The following ATRNL1 variants were observed in gnomAD, a reference collection of about 807,000 sequenced individuals.
The protein encoded by ATRNL1 is attractin-like protein 1.
In ATRNL1, 95 loss-of-function variants were observed where a neutral mutation model predicts 182.7. That is an observed-to-expected ratio of 0.52 (90% CI 0.44 to 0.62). ATRNL1 has a LOEUF of 0.62. Ranked by LOEUF, ATRNL1 falls within the 20% of genes least tolerant of loss-of-function variation. The pLI, the probability that ATRNL1 is intolerant of heterozygous loss-of-function variation, is 0.00. For missense variants in ATRNL1, 1,471 were observed against 1,679.5 expected (o/e 0.88, Z 2.17); for synonymous variants, 576 against 568.3 (o/e 1.01, Z -0.19).
chr10:115,184,403 T>C (rs1415136393), intron 8 of ATRNL1, among the ~76,000 whole-genome samples: 1 of 151,390 alleles, frequency 6.6e-6, no homozygotes, highest in Non-Finnish European at 1.5e-5. Flanking sequence ...TATATAACTA[T>C]ATATACACAA....
Position 115,395,044 on chromosome 10 carries a change from C to T in ATRNL1, c.3269+292C>T, listed in dbSNP as rs184690145. Among the ~76,000 whole-genome samples the T allele has an allele frequency of 2.7e-3, 416 of 151,930 alleles. 3 individuals are homozygous for T. The highest frequency in any genetic ancestry group is 9.5e-3 in the African/African-American group (396 of 41,498). ...CCTGCCTCTCTCTCTCTAGCAGTTCCCAGTGTCTGTTGTTCCCATCTTTGT... is the reference window on the plus strand; with the variant it reads ...CCTGCCTCTCTCTCTCTAGCAGTTCTCAGTGTCTGTTGTTCCCATCTTTGT... On this transcript the variant is annotated intron_variant, in intron 20 of 28. Transcript: ENST00000355044.
At chr10:115,533,246 T>G (rs1268235072) in intron 25 of ATRNL1, among the ~76,000 whole-genome samples, 1 of 151,896 alleles carries the variant, frequency 6.6e-6, no homozygotes, top group East Asian at 1.9e-4. Context: ...CTCTTTTTGG[T>G]TGGTAAGCTA....
chr10:115,536,200 C>T (rs1383996818), intron 25 of ATRNL1, among the ~76,000 whole-genome samples: 1 of 152,158 alleles, frequency 6.6e-6, no homozygotes, highest in South Asian at 2.1e-4. Context: ...TTTGTCTGTG[C>T]CCTGCCCCCA....
At chr10:115,451,215 G>A (rs971916321) in intron 21 of ATRNL1, among the ~76,000 whole-genome samples, 22 of 152,154 alleles carry the variant, frequency 1.4e-4, no homozygotes, top group African/African-American at 5.3e-4. Flanking sequence ...AACTGGCAAA[G>A]ATTTCATGAC....
chr10:115,377,623 A>G (rs1857750057), intron 19 of ATRNL1, among the ~76,000 whole-genome samples: 1 of 152,150 alleles, frequency 6.6e-6, no homozygotes, highest in African/African-American at 2.4e-5. Flanking sequence ...TCTTAACTAT[A>G]TAGCCTTGCA....
At chr10:115,556,356 A>C (rs1853314564) in intron 26 of ATRNL1, among the ~76,000 whole-genome samples, 1 of 152,142 alleles carries the variant, frequency 6.6e-6, no homozygotes, top group Non-Finnish European at 1.5e-5. Context: ...AAATTGGGTA[A>C]AGTTTTGCTA....
At chr10:115,943,801 C>T (rs782320873) in intron 28 of ATRNL1, among the ~76,000 whole-genome samples, 48 of 151,938 alleles carry the variant, frequency 3.2e-4, no homozygotes, top group Admixed American at 2.0e-4. Flanking sequence ...GTAGTGAATG[C>T]GTAAACAAAC....
rs782000658 is a variant in ATRNL1, at chr10:115,467,232, C to G, written c.3476C>G (p.Thr1159Arg). ...TCAAACAACTTTAATCTCAACATTA[C>G]GTGGTCTGTCGGTTCAACAGGTAAA... Reference protein sequence around the residue: ...NASNNFNLNITWSVGSTAGTI... With the variant: ...NASNNFNLNIRWSVGSTAGTI... The change falls in exon 23 of 29, where the codon ACG (threonine) becomes AGG (arginine). Residue 1159 changes from threonine to arginine, a missense_variant. Thr to Arg is a moderately conservative substitution (Grantham distance 71). Coordinates refer to ENST00000355044, the MANE Select transcript of ATRNL1 (RefSeq NM_207303.4). 1 of 1,602,570 alleles carries G rather than the reference C, an allele frequency of 6.2e-7. No individual in the cohort carries two copies. The highest frequency in any genetic ancestry group is 8.5e-7 in the Non-Finnish European group (1 of 1,173,078).
chr10:115,945,451 C>T lies in ATRNL1; in HGVS notation c.*672C>T, dbSNP rs1229814937. ...TCAGTGTAGAGGACATTCCTGTCAT[C>T]CATGCCAACTACCTAACTCGTTATC... On this transcript the variant is annotated 3_prime_UTR_variant, in exon 29 of 29. Coordinates refer to ENST00000355044, the MANE Select transcript of ATRNL1 (RefSeq NM_207303.4). 1 of 152,234 alleles carries T rather than the reference C, an allele frequency of 6.6e-6. No individual in the cohort carries two copies. Among genetic ancestry groups the T allele is most frequent in the East Asian group, 1.9e-4 (1 of 5,160 alleles). 9.4% of individuals were successfully genotyped at this position (152,234 alleles called of 1,614,324 possible).
chr10:115,485,014 A>G (rs2134629617), intron 24 of ATRNL1, among the ~76,000 whole-genome samples: 1 of 152,088 alleles, frequency 6.6e-6, no homozygotes, highest in South Asian at 2.1e-4. Context: ...ATGAGCCATC[A>G]CTTGATCATG....
chr10:115,547,074 T>C (rs782733914), intron 25 of ATRNL1, among the ~76,000 whole-genome samples: 31 of 151,792 alleles, frequency 2.0e-4, no homozygotes, highest in Non-Finnish European at 3.4e-4. Context: ...GCCAACATGG[T>C]GAAACCCCAT....
At chr10:115,560,817 A>G (rs1853661882) in intron 26 of ATRNL1, among the ~76,000 whole-genome samples, 1 of 152,200 alleles carries the variant, frequency 6.6e-6, no homozygotes, top group Non-Finnish European at 1.5e-5. Context: ...ATTTGGATCC[A>G]TAGAATGTAA....
At chr10:115,374,453 TTTCCTTCCTTCC>T (rs149427595) in intron 19 of ATRNL1, among the ~76,000 whole-genome samples, 1,442 of 135,882 alleles carry the variant, frequency 0.011, 11 homozygotes, top group East Asian at 0.018. Context: ...CCTTCCTTCC[TTTCCTTCCTTCC>T]TTCCTTCCTT....
At chr10:115,415,936 T>A (rs1345068214) in intron 20 of ATRNL1, among the ~76,000 whole-genome samples, 1 of 152,080 alleles carries the variant, frequency 6.6e-6, no homozygotes, top group East Asian at 1.9e-4. Context: ...AGTACCATAC[T>A]ATTTAATTAT....
intron 27 of ATRNL1, among the ~76,000 whole-genome samples, chr10:115,747,871 T>C (rs186014246): frequency 4.0e-4 from 61 of 152,166 alleles, no homozygotes; most frequent in African/African-American, 1.4e-3. Context: ...TAGTGCCTTC[T>C]TGCTGTATCC....
At chr10:115,679,043 G>C (rs537375253) in intron 26 of ATRNL1, among the ~76,000 whole-genome samples, 1 of 152,224 alleles carries the variant, frequency 6.6e-6, no homozygotes, top group South Asian at 2.1e-4. Flanking sequence ...GAAATCCACT[G>C]TGCAGTAGTT....
intron 5 of ATRNL1, among the ~76,000 whole-genome samples, chr10:115,138,601 C>T (rs934891461): frequency 3.9e-5 from 6 of 152,220 alleles, no homozygotes. Context: ...CCTTTTTAGC[C>T]ATGGCTGGAG....
In ATRNL1 at chr10:115,457,494, C is replaced by A. The variant is rs541053988; in HGVS notation, c.3323-4447C>A. Among the ~76,000 whole-genome samples the A allele has an allele frequency of 3.9e-5, 6 of 152,086 alleles. No individual in the cohort carries two copies. In the South Asian group the frequency reaches 1.2e-3, roughly 32 times the overall value. ...TTCACCGGGGACCTGTCCCTGTCCA[C>A]CTAGGAATTTGTCTGTCTCCTGTCA... On this transcript the variant is annotated intron_variant, in intron 21 of 28. Coordinates refer to ENST00000355044, the MANE Select transcript of ATRNL1 (RefSeq NM_207303.4).
intron 26 of ATRNL1, among the ~76,000 whole-genome samples, chr10:115,572,981 T>C (rs1555003916): frequency 6.6e-6 from 1 of 152,148 alleles, no homozygotes; most frequent in East Asian, 1.9e-4. Flanking sequence ...GGTGAGTGTC[T>C]GCAACCCCAG....
Sources: allele counts gnomAD v4.1 joint callset (sites outside exome capture counted in the v4.1 genomes callset), GRCh38; gene constraint gnomAD v4.1.1; transcripts MANE v1.5; gene names NCBI Gene and HGNC (gene_info 2026-07-23, HGNC 2026-07-21).